The following ANO4 variants were observed in gnomAD, a reference collection of about 807,000 sequenced individuals.
ANO4 encodes anoctamin 4, also known as anoctamin-4.
A neutral mutation model predicts 141.9 loss-of-function variants in ANO4; 69 were observed. The observed-to-expected ratio is 0.49, with a 90% CI of 0.40 to 0.59. The LOEUF is 0.59. ANO4 is among the 20% of genes least tolerant of loss of function. The pLI, the probability that ANO4 is intolerant of heterozygous loss-of-function variation, is 0.00. For synonymous variants in ANO4, 350 were observed against 394.3 expected (o/e 0.89, Z 1.33); for missense variants, 894 against 1,162.2 (o/e 0.77, Z 3.36).
chr12:100,799,212 T>C (rs756200647), intron 1 of ANO4, among the ~76,000 whole-genome samples: 1 of 152,244 alleles, frequency 6.6e-6, no homozygotes, highest in Non-Finnish European at 1.5e-5. Flanking sequence ...AATTCACTTC[T>C]ATTTGCTACT....
At chr12:100,718,028 T>C (rs1391429668) in intron 1 of ANO4, among the ~76,000 whole-genome samples, 1 of 152,194 alleles carries the variant, frequency 6.6e-6, no homozygotes, top group Admixed American at 6.5e-5. Flanking sequence ...GTTAAAATAA[T>C]ATGCACTGTA....
intron 5 of ANO4, among the ~76,000 whole-genome samples, chr12:100,962,506 G>A (rs1382970259): frequency 6.6e-6 from 1 of 152,154 alleles, no homozygotes; most frequent in African/African-American, 2.4e-5. Context: ...CAGGAGTCTG[G>A]GTACAGCTCA....
At chr12:101,111,169 G>A (rs896682943) in intron 23 of ANO4, among the ~76,000 whole-genome samples, 2 of 152,216 alleles carry the variant, frequency 1.3e-5, no homozygotes, top group Admixed American at 6.5e-5. Context: ...CACATTCTGT[G>A]AGCACCTACC....
At chr12:101,031,344 A>G (rs112622844) in intron 9 of ANO4, among the ~76,000 whole-genome samples, 45,285 of 152,128 alleles carry the variant, frequency 0.3, 7,436 homozygotes, top group Non-Finnish European at 0.38. Context: ...GCACGTGATT[A>G]TCTCAATAGA....
chr12:100,878,618 T>C (rs780760654), intron 1 of ANO4, among the ~76,000 whole-genome samples: 2 of 152,212 alleles, frequency 1.3e-5, no homozygotes, highest in Non-Finnish European at 2.9e-5. Flanking sequence ...ATACTGTATA[T>C]AACTTTTTCC....
At chr12:100,894,822 C>G (rs560390480) in intron 1 of ANO4, among the ~76,000 whole-genome samples, 1 of 151,654 alleles carries the variant, frequency 6.6e-6, no homozygotes, top group Admixed American at 6.6e-5. Flanking sequence ...AAAAATTAGC[C>G]GGGCGTGGTG....
At chr12:100,872,003 G>T (rs142175285) in intron 1 of ANO4, among the ~76,000 whole-genome samples, 1 of 152,288 alleles carries the variant, frequency 6.6e-6, no homozygotes, top group East Asian at 1.9e-4. Context: ...TACCTGGTAT[G>T]CCATTGCATT....
chr12:101,047,361 A>G (rs889969082), intron 13 of ANO4, among the ~76,000 whole-genome samples: 1 of 152,222 alleles, frequency 6.6e-6, no homozygotes, highest in African/African-American at 2.4e-5. Context: ...TATACAGCTT[A>G]ACATTCCCTC....
At chr12:100,934,622 G>A (rs553294215) in intron 3 of ANO4, among the ~76,000 whole-genome samples, 1 of 151,842 alleles carries the variant, frequency 6.6e-6, no homozygotes, top group South Asian at 2.1e-4. Flanking sequence ...TTCCAATTCT[G>A]TGAAGAAAGT....
chr12:101,102,711 A>G (rs745896196), intron 22 of ANO4, among the ~76,000 whole-genome samples: 15 of 152,124 alleles, frequency 9.9e-5, no homozygotes, highest in Non-Finnish European at 1.8e-4. Flanking sequence ...TTCTTCTTCA[A>G]AATTGTTGCC....
chr12:101,052,361 G>A (rs139560962), intron 14 of ANO4, among the ~76,000 whole-genome samples: 10 of 152,086 alleles, frequency 6.6e-5, no homozygotes, highest in African/African-American at 2.4e-4. Context: ...GAATGATTAT[G>A]GACTAAATAA....
In ANO4 at chr12:100,733,976, T is replaced by G. The variant is rs535830375; in HGVS notation, c.106+119T>G. ...AATATAAATGCATAGGCATTTATTT[T>G]CAGAATCAGAGCAATTGCTTGTGGA... On this transcript the variant is annotated intron_variant, in intron 2 of 29. Coordinates refer to the ANO4 transcript ENST00000644049. The G allele has an allele frequency of 1.2e-5, 7 of 588,246 alleles. No homozygotes were observed. The African/African-American group carries it at 1.3e-4, about 11-fold the overall frequency. 36.4% of individuals were successfully genotyped at this position (588,246 alleles called of 1,614,324 possible). A position where few individuals can be genotyped will look rare whatever the true frequency, so the allele number is the denominator to read the frequency against.
At chr12:100,928,133 C>A (rs546904792) in intron 3 of ANO4, among the ~76,000 whole-genome samples, 6 of 151,444 alleles carry the variant, frequency 4.0e-5, no homozygotes, top group African/African-American at 1.2e-4. Context: ...CATGGTCATG[C>A]CATTTCAGAG....
At chr12:101,041,947 G>A (rs2047426344) in intron 11 of ANO4, among the ~76,000 whole-genome samples, 1 of 152,074 alleles carries the variant, frequency 6.6e-6, no homozygotes, top group African/African-American at 2.4e-5. Context: ...TATCCTATAG[G>A]TTTTACTTCC....
intron 6 of ANO4, among the ~76,000 whole-genome samples, chr12:100,971,891 TA>T (rs1039432629): frequency 3.3e-5 from 5 of 152,312 alleles, no homozygotes; most frequent in African/African-American, 1.2e-4. Context: ...TTTTTAATTT[TA>T]AAAAGTCATA....
intron 17 of ANO4, among the ~76,000 whole-genome samples, chr12:101,088,688 CTG>C (rs897757529): frequency 3.9e-5 from 6 of 152,002 alleles, no homozygotes; most frequent in Non-Finnish European, 8.8e-5. Flanking sequence ...TGGCCAGGCA[CTG>C]TGGCTCATGC....
chr12:100,963,920 A>G (rs781125097), intron 5 of ANO4, among the ~76,000 whole-genome samples: 1 of 152,196 alleles, frequency 6.6e-6, no homozygotes, highest in Non-Finnish European at 1.5e-5. Context: ...CCAGTACTAT[A>G]CAACCATGAC....
At chr12:101,113,700 G>A (rs1261773126) in intron 24 of ANO4, among the ~76,000 whole-genome samples, 1 of 152,182 alleles carries the variant, frequency 6.6e-6, no homozygotes, top group African/African-American at 2.4e-5. Flanking sequence ...AAGAGTAGCA[G>A]AATTGTCAAG....
At chr12:100,765,576 G>T (rs2033041083) in intron 3 of ANO4, among the ~76,000 whole-genome samples, 1 of 150,728 alleles carries the variant, frequency 6.6e-6, no homozygotes. Flanking sequence ...GTAGAGACAA[G>T]GTCTTGCCAG....
Sources: gnomAD v4.1 joint callset for allele counts (sites outside exome capture counted in the v4.1 genomes callset) on GRCh38, gnomAD v4.1.1 for gene constraint, MANE v1.5 for transcripts, NCBI Gene and HGNC (gene_info 2026-07-23, HGNC 2026-07-21) for gene names.